CDADC1: variants seen among roughly 807,000 people sequenced by gnomAD.
CDADC1 encodes the protein cytidine and dCMP deaminase domain containing 1.
In CDADC1, 39 loss-of-function variants were observed where a neutral mutation model predicts 54.9. The observed-to-expected ratio is 0.71, with a 90% CI of 0.55 to 0.93. The LOEUF is 0.93. Ranked by LOEUF, CDADC1 falls within the 40% of genes least tolerant of loss-of-function variation. The probability of loss-of-function intolerance (pLI) is 0.00; values close to 1 mark genes in which losing one functional copy is unlikely to be tolerated. For synonymous variants in CDADC1, 186 were observed against 204.0 expected (o/e 0.91, Z 0.75); for missense variants, 518 against 618.8 (o/e 0.84, Z 1.73).
intron 4 of CDADC1, among the ~76,000 whole-genome samples, chr13:49,260,503 G>A (rs1233601303): frequency 6.6e-6 from 1 of 152,164 alleles, no homozygotes; most frequent in Non-Finnish European, 1.5e-5. Context: ...CATCATTTCT[G>A]TTCTCATCCA....
Position 49,286,417 on chromosome 13 carries a change from A to G in CDADC1, c.1471+135A>G, listed in dbSNP as rs1235435001. 7 of 654,732 alleles carry G rather than the reference A, an allele frequency of 1.1e-5. No homozygotes were observed. The African/African-American group carries it at 1.1e-4, about 10-fold the overall frequency. 40.6% of individuals were successfully genotyped at this position (654,732 alleles called of 1,614,324 possible). On this transcript the variant is annotated intron_variant, in intron 9 of 9. Coordinates refer to ENST00000251108, the MANE Select transcript of CDADC1 (RefSeq NM_030911.4). ...TTGAAGGTTAGATTTTTGCCATTCA[A>G]TTTGTTCATAAATATTTGTGGGTCT...
At chr13:49,278,300 G>T in intron 6 of CDADC1, 50 bp from the exon 7 acceptor site, 1 of 1,343,712 alleles carries the variant, frequency 7.4e-7, no homozygotes. Flanking sequence ...ACATTGCAAA[G>T]TGTCTTTTCA....
chr13:49,268,977 TTA>T (rs1952897120), intron 5 of CDADC1, among the ~76,000 whole-genome samples: 1 of 152,204 alleles, frequency 6.6e-6, no homozygotes, highest in South Asian at 2.1e-4. Context: ...TGGAACAATA[TTA>T]TCACATCTTA....
At chr13:49,262,617 G>A (rs1214663435) in intron 4 of CDADC1, among the ~76,000 whole-genome samples, 11 of 152,024 alleles carry the variant, frequency 7.2e-5, no homozygotes, top group East Asian at 1.9e-4. Context: ...TGCAACCCCC[G>A]CCTCCCAGGT....
At chr13:49,248,606 CTATGTGTAT>C in intron 1 of CDADC1, 1 of 420,872 alleles carries the variant, frequency 2.4e-6, no homozygotes, top group South Asian at 3.9e-5. Flanking sequence ...TCCCCCTCAG[CTATGTGTAT>C]TAGCTGTACC....
intron 9 of CDADC1, among the ~76,000 whole-genome samples, chr13:49,290,099 A>T (rs75933640): frequency 0.012 from 1,812 of 151,934 alleles, 27 homozygotes; most frequent in African/African-American, 0.04. Flanking sequence ...TATAGTATAT[A>T]CAGTAAAGTT....
chr13:49,283,558 T>C (rs1361402177), intron 8 of CDADC1, among the ~76,000 whole-genome samples: 1 of 152,176 alleles, frequency 6.6e-6, no homozygotes, highest in African/African-American at 2.4e-5. Flanking sequence ...CTATGAGTGA[T>C]GGGTTATGGA....
rs183651537 is a variant in CDADC1 at position 49,277,657 on chromosome 13, C to A, written c.1051-693C>A. On this transcript the variant is annotated intron_variant, in intron 6 of 9. Transcript: ENST00000251108. ...TATAGCATATTCCAAAAAACTATTA[C>A]ACACACATTACTAATATTTCATTCT... Among the ~76,000 whole-genome samples, 759 of 152,134 alleles carry A rather than the reference C, an allele frequency of 5.0e-3. 7 individuals carry two copies. Among genetic ancestry groups the A allele is most frequent in the African/African-American group, 0.017 (714 of 41,502 alleles).
chr13:49,271,699 T>C (rs1246822346), intron 5 of CDADC1, among the ~76,000 whole-genome samples: 1 of 151,912 alleles, frequency 6.6e-6, no homozygotes, highest in Non-Finnish European at 1.5e-5. Context: ...GACCACAGGA[T>C]TGGGAGCTAA....
chr13:49,283,738 C>T (rs1035848998), intron 8 of CDADC1, among the ~76,000 whole-genome samples: 1 of 152,178 alleles, frequency 6.6e-6, no homozygotes, highest in African/African-American at 2.4e-5. Context: ...TTGGGCCAGA[C>T]CCTCCCGGAA....
Position 49,292,878 on chromosome 13 carries a change from C to T in CDADC1, c.*1121C>T, listed in dbSNP as rs776091119. The T allele has an allele frequency of 3.5e-6, 3 of 868,546 alleles. No homozygotes were observed. The highest frequency in any genetic ancestry group is 4.7e-6 in the Non-Finnish European group (3 of 633,496). 53.8% of individuals were successfully genotyped at this position (868,546 alleles called of 1,614,324 possible). A position where few individuals can be genotyped will look rare whatever the true frequency, so the allele number is the denominator to read the frequency against. On this transcript the variant is annotated 3_prime_UTR_variant, in exon 10 of 10. Coordinates refer to ENST00000251108, the MANE Select transcript of CDADC1 (RefSeq NM_030911.4). ...TTTGTTCCCTGCCTTTCCGCCACATCACACGGCCTCACTGGGCTTCCTACC... is the reference window on the plus strand; with the variant it reads ...TTTGTTCCCTGCCTTTCCGCCACATTACACGGCCTCACTGGGCTTCCTACC...
intron 4 of CDADC1, among the ~76,000 whole-genome samples, chr13:49,263,612 C>G (rs1444470103): frequency 6.6e-6 from 1 of 152,162 alleles, no homozygotes; most frequent in Non-Finnish European, 1.5e-5. Context: ...TCTGAAATGG[C>G]TGTTAAAATA....
chr13:49,269,738 G>A (rs1206587654), intron 5 of CDADC1, among the ~76,000 whole-genome samples: 1 of 152,190 alleles, frequency 6.6e-6, no homozygotes, highest in Non-Finnish European at 1.5e-5. Flanking sequence ...GTAAGAGGGC[G>A]ATGTGAATCT....
At chr13:49,283,218 T>C (rs1953402085) in intron 8 of CDADC1, among the ~76,000 whole-genome samples, 1 of 152,106 alleles carries the variant, frequency 6.6e-6, no homozygotes. Flanking sequence ...ATTTTAAATA[T>C]AGAAACATAC....
chr13:49,285,902 C>T (rs1953501018), intron 8 of CDADC1, among the ~76,000 whole-genome samples: 1 of 151,896 alleles, frequency 6.6e-6, no homozygotes, highest in Admixed American at 6.6e-5. Flanking sequence ...CAACCTCCAC[C>T]TCCCAGGTTC....
intron 2 of CDADC1, among the ~76,000 whole-genome samples, chr13:49,251,421 C>T (rs564680043): frequency 2.0e-5 from 3 of 148,940 alleles, no homozygotes; most frequent in East Asian, 1.9e-4. Flanking sequence ...GAAAAAAAAA[C>T]GTATAAAAAC....
At chr13:49,273,094 G>T (rs1230424160) in intron 5 of CDADC1, among the ~76,000 whole-genome samples, 2 of 152,114 alleles carry the variant, frequency 1.3e-5, no homozygotes, top group Non-Finnish European at 2.9e-5. Context: ...GGGTTTGCTT[G>T]AATTTGAGAT....
intron 5 of CDADC1, 88 bp from the exon 6 acceptor site, chr13:49,274,203 A>G (rs1953039388): frequency 3.1e-6 from 3 of 953,330 alleles, no homozygotes; most frequent in South Asian, 3.0e-5. Context: ...GTATGTTTCA[A>G]TACAAGTTTT....
chr13:49,249,045 C>T, intron 2 of CDADC1, 80 bp downstream of exon 2: 1 of 849,064 alleles, frequency 1.2e-6, no homozygotes, highest in Non-Finnish European at 2.0e-6. Context: ...TTCTGTCATA[C>T]CTAAAACCAA....
Sources: gnomAD v4.1 joint callset for allele counts (sites outside exome capture counted in the v4.1 genomes callset) on GRCh38, gnomAD v4.1.1 for gene constraint, MANE v1.5 for transcripts, NCBI Gene and HGNC (gene_info 2026-07-23, HGNC 2026-07-21) for gene names.